Variants in KATNBL1 observed in about 807,000 individuals in gnomAD.
The protein encoded by KATNBL1 is KATNB1-like protein 1.
KATNBL1 carries 28 observed loss-of-function variants against 44.7 expected under a neutral mutation model. The observed-to-expected ratio is 0.63, with a 90% confidence interval of 0.46 to 0.86. The LOEUF (loss-of-function observed/expected upper bound fraction) is 0.86. Ranked by LOEUF, KATNBL1 falls within the 40% of genes least tolerant of loss-of-function variation. The pLI is 0.00. For synonymous variants in KATNBL1, 78 were observed against 114.9 expected (o/e 0.68, Z 2.06); for missense variants, 272 against 350.7 (o/e 0.78, Z 1.79).
At chr15:34,189,681 C>T (rs1380691849) in intron 1 of KATNBL1, among the ~76,000 whole-genome samples, 2 of 152,250 alleles carry the variant, frequency 1.3e-5, no homozygotes, top group Non-Finnish European at 2.9e-5. Flanking sequence ...ACTATAAAGA[C>T]GGCACAAAGC....
chr15:34,180,819 T>C (rs977587793), intron 1 of KATNBL1, among the ~76,000 whole-genome samples: 1 of 152,076 alleles, frequency 6.6e-6, no homozygotes, highest in Admixed American at 6.6e-5. Context: ...TCCCAGCACT[T>C]TGGGAGGCTG....
intron 1 of KATNBL1, among the ~76,000 whole-genome samples, chr15:34,186,670 C>A (rs1016932173): frequency 5.3e-5 from 8 of 152,196 alleles, no homozygotes; most frequent in African/African-American, 1.9e-4. Context: ...CAGGAAGGAT[C>A]CCCCTCCCCA....
At position 34,148,737 on chromosome 15, in the gene KATNBL1, T is replaced by C. The variant is rs746454284; in HGVS notation, c.452A>G (p.His151Arg). The C allele has an allele frequency of 6.3e-6, 10 of 1,599,710 alleles. No homozygotes were observed. The highest frequency in any genetic ancestry group is 1.1e-5 in the South Asian group (1 of 90,802). Reference protein sequence around the residue: ...SGFFSEVSQDHETMAQVLFSR... With the variant: ...SGFFSEVSQDRETMAQVLFSR... ...GAACAAAACTTGGGCCATTGTTTCA[T>C]GGTCCTGAGAAACCTGAAAGGCAAT... is the stretch of plus-strand genomic sequence containing the variant. The change falls in exon 5 of 10, where the codon CAT (histidine) becomes CGT (arginine). Residue 151 changes from histidine to arginine, a missense_variant. By Grantham distance (29) the His-to-Arg change is conservative. This residue lies in a region of KATNBL1 where 111 missense variants were observed against 149.3 expected (regional missense o/e 0.74). Transcript: ENST00000256544.
intron 1 of KATNBL1, among the ~76,000 whole-genome samples, chr15:34,179,115 C>T (rs1375203373): frequency 1.3e-5 from 2 of 152,130 alleles, no homozygotes; most frequent in African/African-American, 4.8e-5. Context: ...TGTCTTAGCT[C>T]GTTTTGTGCT....
At position 34,185,094 on chromosome 15, in the gene KATNBL1, C is replaced by A. The variant is rs531190308; in HGVS notation, c.-14-21404G>T. Reference sequence around the variant, plus strand: ...AAGTGATCCTGCCACCTCACCCTCCCAAGTAGCTGGGACTACAGGTGCCTG... The same window carrying A: ...AAGTGATCCTGCCACCTCACCCTCCAAAGTAGCTGGGACTACAGGTGCCTG... On this transcript the variant is annotated intron_variant, in intron 1 of 9. Coordinates refer to ENST00000256544, the MANE Select transcript of KATNBL1 (RefSeq NM_024713.3). 2.6e-5 allele frequency among the ~76,000 whole-genome samples: 4 copies of A among 152,116 alleles called. No individual in the cohort carries two copies. The East Asian group carries it at 7.8e-4, about 30-fold the overall frequency.
chr15:34,152,395 G>A (rs1304538131), intron 4 of KATNBL1, among the ~76,000 whole-genome samples: 1 of 151,792 alleles, frequency 6.6e-6, no homozygotes, highest in East Asian at 1.9e-4. Context: ...GTAGAGGCAG[G>A]GTTTCACCAT....
At chr15:34,151,499 T>C (rs1888476909) in intron 4 of KATNBL1, among the ~76,000 whole-genome samples, 1 of 128,886 alleles carries the variant, frequency 7.8e-6, no homozygotes, top group Non-Finnish European at 1.6e-5. Context: ...TAACCCAGGC[T>C]GGAGTGCAGT....
rs955114983 is a variant in KATNBL1 at position 34,186,181 on chromosome 15, A to C, written c.-14-22491T>G. 2.6e-5 allele frequency among the ~76,000 whole-genome samples: 4 copies of C among 152,152 alleles called. 1 individual carries two copies. Among genetic ancestry groups the C allele is most frequent in the Admixed American group, 2.6e-4 (4 of 15,278 alleles). ...CTGAGGAGGGGCATTGTGGGCAACT[A>C]GGTACCATGAGTGACCACACTGATG... On this transcript the variant is annotated intron_variant, in intron 1 of 9. Coordinates refer to ENST00000256544, the MANE Select transcript of KATNBL1 (RefSeq NM_024713.3).
At chr15:34,198,656 T>C (rs1890088119) in intron 1 of KATNBL1, among the ~76,000 whole-genome samples, 1 of 152,220 alleles carries the variant, frequency 6.6e-6, no homozygotes, top group African/African-American at 2.4e-5. Flanking sequence ...AGGTGGAACT[T>C]ATCACAAAGA....
intron 9 of KATNBL1, chr15:34,144,814 G>A (rs547884476): frequency 2.4e-3 from 365 of 153,442 alleles, no homozygotes; most frequent in Non-Finnish European, 3.4e-3. Flanking sequence ...TGATCTGCTT[G>A]CCTTGGCCTC....
At chr15:34,152,765 G>C (rs759598748) in intron 4 of KATNBL1, 25 bp downstream of exon 4, 77 of 1,562,970 alleles carry the variant, frequency 4.9e-5, no homozygotes, top group Non-Finnish European at 6.3e-5. Flanking sequence ...AGTTAAACTA[G>C]ATATGAGTTA....
intron 1 of KATNBL1, among the ~76,000 whole-genome samples, chr15:34,204,321 C>T (rs1203037863): frequency 6.6e-6 from 1 of 152,164 alleles, no homozygotes; most frequent in Non-Finnish European, 1.5e-5. Flanking sequence ...TTCAGTCAGT[C>T]CCACTAAGTG....
intron 4 of KATNBL1, among the ~76,000 whole-genome samples, chr15:34,149,115 GTGT>G (rs1284490385): frequency 5.3e-5 from 8 of 152,210 alleles, no homozygotes; most frequent in Non-Finnish European, 1.0e-4. Flanking sequence ...TTTTTGACAA[GTGT>G]TGTAGTATCA....
chr15:34,148,553 A>T, intron 5 of KATNBL1, 79 bp downstream of exon 5: 1 of 805,070 alleles, frequency 1.2e-6, no homozygotes, highest in Non-Finnish European at 2.1e-6. Context: ...GTGCCACTGT[A>T]CTCCAACTTG....
chr15:34,145,461 A>T lies in KATNBL1; in HGVS notation c.819T>A (p.Ser273Arg). The T allele has an allele frequency of 6.9e-7, 1 of 1,459,560 alleles. No homozygotes were observed. The highest frequency in any genetic ancestry group is 1.6e-5 in the South Asian group (1 of 62,414). 90.4% of individuals were successfully genotyped at this position (1,459,560 alleles called of 1,614,324 possible). A position where few individuals can be genotyped will look rare whatever the true frequency, so the allele number is the denominator to read the frequency against. ...GATGGTTTTCCTGTTCCCATAATCCACTTAATTGTTGTTTTAAAATTTGAA... is the reference window on the plus strand; with the variant it reads ...GATGGTTTTCCTGTTCCCATAATCCTCTTAATTGTTGTTTTAAAATTTGAA... ...GNIQILKQQL[S>R]GLWEQENHLT... The change falls in exon 9 of 10, where the codon AGT (serine) becomes AGA (arginine). Residue 273 changes from serine (S) to arginine (R), a missense_variant. Physicochemically the swap from Ser to Arg is moderately radical, Grantham distance 110. Transcript: ENST00000256544.
chr15:34,176,230 A>T (rs1305532242), intron 1 of KATNBL1, among the ~76,000 whole-genome samples: 2 of 151,484 alleles, frequency 1.3e-5, no homozygotes, highest in African/African-American at 4.9e-5. Context: ...GAAAAAAAAT[A>T]AGCTGGGCGT....
chr15:34,170,130 GAA>G (rs1233004991), intron 1 of KATNBL1, among the ~76,000 whole-genome samples: 1 of 152,144 alleles, frequency 6.6e-6, no homozygotes, highest in Non-Finnish European at 1.5e-5. Flanking sequence ...ATTCAATTAG[GAA>G]AAGAGGAAGT....
intron 1 of KATNBL1, among the ~76,000 whole-genome samples, chr15:34,166,581 C>T (rs1311123579): frequency 6.6e-6 from 1 of 152,210 alleles, no homozygotes; most frequent in East Asian, 1.9e-4. Context: ...CTGAAGAGAG[C>T]AGTGGTTCTC....
At chr15:34,142,728 T>C in intron 9 of KATNBL1, 1 of 245,480 alleles carries the variant, frequency 4.1e-6, no homozygotes, top group Non-Finnish European at 8.0e-6. Context: ...TTCTCTTTTT[T>C]TTGAGACAGA....
Sources: allele counts gnomAD v4.1 joint callset (sites outside exome capture counted in the v4.1 genomes callset), GRCh38; gene constraint gnomAD v4.1.1; regional missense constraint gnomAD v4.1.1; transcripts MANE v1.5; gene names NCBI Gene and HGNC (gene_info 2026-07-23, HGNC 2026-07-21).